ACVR1: variants seen among roughly 807,000 people sequenced by gnomAD.
ACVR1 encodes the protein activin A receptor type 1.
In ACVR1, 38 loss-of-function variants were observed where a neutral mutation model predicts 57.1. That is an observed-to-expected ratio of 0.67 (90% CI 0.51 to 0.87). The LOEUF is 0.87. Among genes scored for constraint, ACVR1 ranks in the 40% least tolerant of loss-of-function variants. ACVR1 has a pLI of 0.00. For missense variants in ACVR1, 463 were observed against 638.2 expected (o/e 0.73, Z 2.96); for synonymous variants, 212 against 228.1 (o/e 0.93, Z 0.63).
chr2:157,754,449 C>T (rs1685337988), intron 9 of ACVR1, among the ~76,000 whole-genome samples: 2 of 151,974 alleles, frequency 1.3e-5, no homozygotes, highest in South Asian at 2.1e-4. Context: ...CACAGAAATA[C>T]AAAAGATCAT....
At chr2:157,810,392 G>A (rs1341881570) in intron 2 of ACVR1, among the ~76,000 whole-genome samples, 2 of 152,214 alleles carry the variant, frequency 1.3e-5, no homozygotes, top group Non-Finnish European at 2.9e-5. Context: ...CCTGTATCCA[G>A]TGTGCCAGGC....
chr2:157,796,986 A>G (rs1687147705), intron 3 of ACVR1, among the ~76,000 whole-genome samples: 1 of 152,258 alleles, frequency 6.6e-6, no homozygotes. Flanking sequence ...AAAATGGTCT[A>G]TAACAGCACT....
intron 9 of ACVR1, among the ~76,000 whole-genome samples, chr2:157,740,199 A>T (rs1684699582): frequency 6.7e-6 from 1 of 149,596 alleles, no homozygotes; most frequent in African/African-American, 2.5e-5. Context: ...AAAAAAAAAA[A>T]CTAGTTAATT....
At chr2:157,863,637 C>T (rs1171669639) in intron 1 of ACVR1, among the ~76,000 whole-genome samples, 1 of 150,808 alleles carries the variant, frequency 6.6e-6, no homozygotes, top group Non-Finnish European at 1.5e-5. Context: ...GCAGAGGTTG[C>T]AGTAAGCCGA....
chr2:157,799,426 C>A lies in ACVR1; in HGVS notation c.67+1G>T. The A allele has an allele frequency of 1.2e-6, 2 of 1,608,394 alleles. No homozygotes were observed. The highest frequency in any genetic ancestry group is 1.7e-6 in the Non-Finnish European group (2 of 1,175,996). On this transcript the variant is annotated splice_donor_variant, in intron 3 of 10. Coordinates refer to ENST00000434821, the MANE Select transcript of ACVR1 (RefSeq NM_001111067.4). LOFTEE classifies it high-confidence loss of function. ...AACCCAAAAAGATGTGAGTCACTTA[C>A]CTTCCATACTAGGGGAGGGGAGAGC...
chr2:157,747,356 AATC>A (rs1247980314), intron 9 of ACVR1, among the ~76,000 whole-genome samples: 1 of 152,176 alleles, frequency 6.6e-6, no homozygotes, highest in Non-Finnish European at 1.5e-5. Flanking sequence ...TCAGATTAAG[AATC>A]ATTTCCCTGA....
At chr2:157,855,308 GTATATA>G (rs1200907209) in intron 1 of ACVR1, among the ~76,000 whole-genome samples, 3 of 51,666 alleles carry the variant, frequency 5.8e-5, no homozygotes, top group African/African-American at 6.7e-5. Context: ...GTGTGTGTGT[GTATATA>G]TATATATATA....
At chr2:157,750,315 T>C (rs868507492) in intron 9 of ACVR1, among the ~76,000 whole-genome samples, 3 of 152,332 alleles carry the variant, frequency 2.0e-5, no homozygotes, top group South Asian at 2.1e-4. Flanking sequence ...GATGAGTCCA[T>C]TGCATTCGAT....
At chr2:157,856,168 T>TAC (rs1192534265) in intron 1 of ACVR1, among the ~76,000 whole-genome samples, 7 of 152,176 alleles carry the variant, frequency 4.6e-5, no homozygotes, top group African/African-American at 1.7e-4. Context: ...GCTTTTTTCC[T>TAC]GTGGCTATAA....
chr2:157,845,016 T>C (rs1447033061), intron 1 of ACVR1, among the ~76,000 whole-genome samples: 1 of 152,172 alleles, frequency 6.6e-6, no homozygotes, highest in Non-Finnish European at 1.5e-5. Flanking sequence ...TTACCCAGAC[T>C]AAGGGATTTA....
chr2:157,786,985 G>A (rs1192721004), intron 3 of ACVR1, among the ~76,000 whole-genome samples: 2 of 152,002 alleles, frequency 1.3e-5, no homozygotes, highest in African/African-American at 2.4e-5. Context: ...TCTGCTGAAG[G>A]TGATAAGGAT....
At chr2:157,760,260 G>A (rs184022558) in intron 9 of ACVR1, among the ~76,000 whole-genome samples, 5 of 152,288 alleles carry the variant, frequency 3.3e-5, no homozygotes, top group East Asian at 1.9e-4. Context: ...GTGGTAGAGA[G>A]TAGAATCATA....
chr2:157,758,006 T>C (rs1163937097), intron 9 of ACVR1, among the ~76,000 whole-genome samples: 2 of 151,808 alleles, frequency 1.3e-5, no homozygotes, highest in Non-Finnish European at 2.9e-5. Context: ...TGTAAACAGA[T>C]TAAATCCCCC....
intron 3 of ACVR1, among the ~76,000 whole-genome samples, chr2:157,795,533 TA>T (rs928613835): frequency 6.6e-6 from 1 of 152,044 alleles, no homozygotes; most frequent in East Asian, 1.9e-4. Context: ...TCCATTTTTT[TA>T]AAAAAACAGC....
chr2:157,824,641 C>G (rs148701416), intron 1 of ACVR1, among the ~76,000 whole-genome samples: 6 of 152,248 alleles, frequency 3.9e-5, no homozygotes, highest in Non-Finnish European at 7.4e-5. Flanking sequence ...TAGAATACCC[C>G]CTTAAGTCAA....
Position 157,738,479 on chromosome 2 carries a change from T to C in ACVR1, c.1356A>G (p.Gln452=). 6.2e-7 allele frequency: 1 copy of C among 1,613,996 alleles called. No homozygotes were observed. The highest frequency in any genetic ancestry group is 8.5e-7 in the Non-Finnish European group (1 of 1,179,936). The change falls in exon 10 of 11, where the codon CAA becomes CAG. Residue 452 remains glutamine (Q), a synonymous_variant. Transcript: ENST00000434821. The part of the protein sequence containing the change: ...EDMRKVVCVD[Q]QRPNIPNRWF... ...ATCTGTTGGGTATGTTTGGCCTTTG[T>C]TGATCCACACAGACTACCTTCCTCA...
intron 9 of ACVR1, among the ~76,000 whole-genome samples, chr2:157,745,532 A>G (rs1244562282): frequency 1.3e-5 from 2 of 152,138 alleles, no homozygotes; most frequent in African/African-American, 4.8e-5. Flanking sequence ...TTTTGTCATG[A>G]GGTTAGTTGA....
intron 1 of ACVR1, among the ~76,000 whole-genome samples, chr2:157,843,319 G>A (rs1689032534): frequency 6.6e-6 from 1 of 152,138 alleles, no homozygotes; most frequent in Non-Finnish European, 1.5e-5. Flanking sequence ...GGGTGACTTG[G>A]AAACATTCCA....
chr2:157,741,222 T>C (rs762283342), intron 9 of ACVR1, among the ~76,000 whole-genome samples: 9 of 152,210 alleles, frequency 5.9e-5, no homozygotes, highest in Non-Finnish European at 1.3e-4. Context: ...ACTTTGTACC[T>C]TGAAAGGCAA....
Sources: gnomAD v4.1 joint callset for allele counts (sites outside exome capture counted in the v4.1 genomes callset) on GRCh38, gnomAD v4.1.1 for gene constraint, MANE v1.5 for transcripts, NCBI Gene and HGNC (gene_info 2026-07-23, HGNC 2026-07-21) for gene names.